ZNF224: variants seen among roughly 807,000 people sequenced by gnomAD.
ZNF224 encodes the protein zinc finger protein 224.
In ZNF224, 8 loss-of-function variants were observed where a neutral mutation model predicts 10.5. That is an observed-to-expected ratio of 0.76 (90% CI 0.45 to 1.37). The LOEUF (loss-of-function observed/expected upper bound fraction) is 1.37, where lower values mean the gene tolerates loss of function less well. Among genes scored for constraint, ZNF224 ranks in the 40% most tolerant of loss-of-function variants. The pLI is 0.00. For synonymous variants in ZNF224, 282 were observed against 287.8 expected, an observed-to-expected ratio of 0.98 and a Z score of 0.20; for missense variants, 754 against 854.0, an observed-to-expected ratio of 0.88 and a Z score of 1.46.
At position 44,106,840 on chromosome 19, in the gene ZNF224, C is replaced by G; in HGVS notation, c.680C>G (p.Thr227Ser). ...SHLQTHQRVH[T>S]GEKPFKCVEC... ...CTGCAAACTCATCAGAGAGTCCACA[C>G]TGGAGAGAAACCGTTCAAATGTGTG... The change falls in exon 6 of 6, where the codon ACT (threonine) becomes AGT (serine). Residue 227 changes from threonine (T) to serine (S), a missense_variant. Thr to Ser is a moderately conservative substitution (Grantham distance 58). Coordinates refer to ENST00000693561, the MANE Select transcript of ZNF224 (RefSeq NM_001321645.3). 1 of 1,613,528 alleles carries G rather than the reference C, an allele frequency of 6.2e-7. No homozygotes were observed. The highest frequency in any genetic ancestry group is 8.5e-7 in the Non-Finnish European group (1 of 1,179,608).
intron 3 of ZNF224, among the ~76,000 whole-genome samples, chr19:44,099,128 G>C (rs1291272023): frequency 1.3e-5 from 2 of 152,192 alleles, no homozygotes; most frequent in Admixed American, 6.5e-5. Context: ...ACTGTGCCCT[G>C]TGGTGTGGGT....
chr19:44,101,061 T>C (rs190160147), intron 4 of ZNF224, 72 bp from the exon 5 acceptor site: 23 of 1,611,070 alleles, frequency 1.4e-5, no homozygotes, highest in Admixed American at 8.3e-5. Context: ...AGAACCTAAA[T>C]TTCTGGTAAA....
At position 44,097,117 on chromosome 19, in the gene ZNF224, T is replaced by G. The variant is rs1178400702; in HGVS notation, c.-69+686T>G. The stretch of plus-strand genomic sequence containing the variant: ...TAAAAAAAATTGAAAAGAATAAAGT[T>G]TCTTAGGAATAGATAACATTATTAG... On this transcript the variant is annotated intron_variant, in intron 2 of 5. Coordinates refer to ENST00000693561, the MANE Select transcript of ZNF224 (RefSeq NM_001321645.3). 5 of 207,950 alleles carry G rather than the reference T, an allele frequency of 2.4e-5. 1 individual carries two copies. The highest frequency in any genetic ancestry group is 5.0e-5 in the Non-Finnish European group (5 of 99,940). 12.9% of individuals were successfully genotyped at this position (207,950 alleles called of 1,614,324 possible).
chr19:44,095,587 T>C (rs1184416415), intron 1 of ZNF224: 2 of 152,232 alleles, frequency 1.3e-5, no homozygotes, highest in African/African-American at 2.4e-5. Context: ...TGTATTCTTA[T>C]AGAACCATGT....
Position 44,107,136 on chromosome 19 carries a change from C to T in ZNF224, c.976C>T (p.Arg326Cys), listed in dbSNP as rs763079230. 1.0e-5 allele frequency: 16 copies of T among 1,604,562 alleles called. No homozygotes were observed. Among genetic ancestry groups the T allele is most frequent in the South Asian group, 5.6e-5 (5 of 89,736 alleles). Residue 326 changes from arginine (R) to cysteine (C), a missense_variant, in exon 6 of 6, where the codon CGT (arginine) becomes TGT (cysteine). Arg to Cys is a radical substitution (Grantham distance 180). Coordinates refer to ENST00000693561, the MANE Select transcript of ZNF224 (RefSeq NM_001321645.3). ...FRCDTCDKSF[R>C]QRSALNSHRM... Reference sequence around the variant, plus strand: ...ATGTGATACGTGTGATAAGAGCTTTCGTCAGAGATCAGCACTTAATAGTCA... The same window carrying T: ...ATGTGATACGTGTGATAAGAGCTTTTGTCAGAGATCAGCACTTAATAGTCA...
In ZNF224 at chr19:44,100,796, T is replaced by C. The variant is rs762210231; in HGVS notation, c.16-5T>C. On this transcript the variant is annotated splice_polypyrimidine_tract_variant and splice_region_variant and intron_variant, in intron 3 of 5. Transcript: ENST00000693561. Reference sequence around the variant, plus strand: ...GACTGAGATTGCATATGTTTGATGCTATAGGAGGCAATGACCTTCAAGGAC... The same window carrying C: ...GACTGAGATTGCATATGTTTGATGCCATAGGAGGCAATGACCTTCAAGGAC... 6.2e-7 allele frequency: 1 copy of C among 1,613,020 alleles called. No individual in the cohort carries two copies. The highest frequency in any genetic ancestry group is 2.2e-5 in the East Asian group (1 of 44,862).
chr19:44,106,234 GA>G, intron 5 of ZNF224, 161 bp from the exon 6 acceptor site: 1 of 680,900 alleles, frequency 1.5e-6, no homozygotes, highest in Non-Finnish European at 2.5e-6. Flanking sequence ...GGTTTAGTTC[GA>G]AATTGGCCTC....
At chr19:44,100,955 A>T in intron 4 of ZNF224, 28 bp downstream of exon 4, 1 of 1,611,606 alleles carries the variant, frequency 6.2e-7, no homozygotes, top group Admixed American at 1.7e-5. Flanking sequence ...CTGTAACAGA[A>T]CGTCAGGCCC....
At chr19:44,101,355 C>T in intron 5 of ZNF224, 130 bp downstream of exon 5, 1 of 884,820 alleles carries the variant, frequency 1.1e-6, no homozygotes, top group East Asian at 2.7e-5. Context: ...CATCTTACAC[C>T]TGGTGGCCCT....
intron 5 of ZNF224, among the ~76,000 whole-genome samples, chr19:44,103,277 A>G (rs950429591): frequency 6.6e-6 from 1 of 152,196 alleles, no homozygotes; most frequent in African/African-American, 2.4e-5. Flanking sequence ...TCCATATTCC[A>G]GCGTGTACCA....
chr19:44,099,891 C>T (rs1967513292), intron 3 of ZNF224, among the ~76,000 whole-genome samples: 1 of 151,752 alleles, frequency 6.6e-6, no homozygotes, highest in African/African-American at 2.4e-5. Context: ...TTATTTAAAA[C>T]TTACTTTAAA....
At position 44,106,884 on chromosome 19, in the gene ZNF224, A is replaced by C. The variant is rs769332118; in HGVS notation, c.724A>C (p.Ser242Arg). 2 of 1,609,958 alleles carry C rather than the reference A, an allele frequency of 1.2e-6. No homozygotes were observed. Among genetic ancestry groups the C allele is most frequent in the Non-Finnish European group, 1.7e-6 (2 of 1,177,148 alleles). Residue 242 changes from serine (S) to arginine (R), a missense_variant, in exon 6 of 6, where the codon AGT (serine) becomes CGT (arginine). By Grantham distance (110) the Ser-to-Arg change is moderately radical. Transcript: ENST00000693561. ...ATGTGTGGAATGTGGGAAAGGCTTC[A>C]GTCGTAGATCAGCACTTAATGTTCA... ...FKCVECGKGF[S>R]RRSALNVHHK... is the part of the protein sequence containing the mutation.
chr19:44,097,103 G>A, intron 2 of ZNF224: 1 of 221,952 alleles, frequency 4.5e-6, no homozygotes, highest in Non-Finnish European at 9.3e-6. Context: ...AAAAAAAATT[G>A]AAAAGAATAA....
chr19:44,106,711 AC>A lies in ZNF224; in HGVS notation c.552del (p.Cys186ValfsTer151). ...KSHTCDECGK[N>X]FCYISALRIH... ...CATACGTGTGATGAGTGTGGAAAGA[AC>A]TTTTGTTACATCTCAGCCCTTCGTA... On this transcript the variant is annotated frameshift_variant, in exon 6 of 6. Coordinates refer to ENST00000693561, the MANE Select transcript of ZNF224 (RefSeq NM_001321645.3). LOFTEE classifies it low-confidence loss of function (END_TRUNC). 1 of 1,606,106 alleles carries A rather than the reference AC, an allele frequency of 6.2e-7. No homozygotes were observed. Among genetic ancestry groups the A allele is most frequent in the Non-Finnish European group, 8.5e-7 (1 of 1,175,730 alleles).
Position 44,107,986 on chromosome 19 carries a change from C to G in ZNF224, c.1826C>G (p.Ser609Ter), listed in dbSNP as rs777508537. 6.2e-7 allele frequency: 1 copy of G among 1,614,162 alleles called. No individual in the cohort carries two copies. Among genetic ancestry groups the G allele is most frequent in the Non-Finnish European group, 8.5e-7 (1 of 1,180,028 alleles). The stretch of plus-strand genomic sequence containing the variant: ...TGTGGGAAGGGCTTCAGCTGGTCCT[C>G]AACTCGTCTGACCCATCAGAGACGC... Reference protein sequence around the residue: ...DECGKGFSWSSTRLTHQRRHS... With the variant: ...DECGKGFSWS Residue 609 changes from serine to a stop codon, truncating the protein, a stop_gained, in exon 6 of 6, where the codon TCA becomes TGA. Coordinates refer to ENST00000693561, the MANE Select transcript of ZNF224 (RefSeq NM_001321645.3). LOFTEE classifies it low-confidence loss of function (END_TRUNC).
chr19:44,098,123 C>T (rs1415830247), intron 3 of ZNF224, among the ~76,000 whole-genome samples: 1 of 152,120 alleles, frequency 6.6e-6, no homozygotes, highest in Non-Finnish European at 1.5e-5. Flanking sequence ...ATAATTATTT[C>T]ATTATACTAC....
Position 44,109,153 on chromosome 19 carries a change from T to G in ZNF224, c.*869T>G, listed in dbSNP as rs1967774699. The G allele has an allele frequency of 6.4e-6, 1 of 155,816 alleles. No homozygotes were observed. The highest frequency in any genetic ancestry group is 2.4e-5 in the African/African-American group (1 of 41,460). The allele number at this position is 155,816 out of a possible 1,614,324, so 9.7% of individuals were successfully genotyped here. ...TTGCAATAACAGACCACTGCATATT[T>G]CACAATTAAGTGTTTTCAACAGTAT... On this transcript the variant is annotated 3_prime_UTR_variant, in exon 6 of 6. Transcript: ENST00000693561.
At chr19:44,104,956 C>G (rs947151627) in intron 5 of ZNF224, among the ~76,000 whole-genome samples, 1 of 152,220 alleles carries the variant, frequency 6.6e-6, no homozygotes, top group Non-Finnish European at 1.5e-5. Flanking sequence ...GCCACCGCGC[C>G]CAGCCGAGCC....
At position 44,107,307 on chromosome 19, in the gene ZNF224, T is replaced by C; in HGVS notation, c.1147T>C (p.Trp383Arg). Residue 383 changes from tryptophan to arginine, a missense_variant, in exon 6 of 6, where the codon TGG becomes CGG. By Grantham distance (101) the Trp-to-Arg change is moderately radical. Transcript: ENST00000693561. ...TAAAGAGTGTGGGAAGAGCTTCAGATGGGCCTCGTGTCTTTTGAAACATCA... is the reference window on the plus strand; with the variant it reads ...TAAAGAGTGTGGGAAGAGCTTCAGACGGGCCTCGTGTCTTTTGAAACATCA... ...NCKECGKSFR[W>R]ASCLLKHQRV... is the part of the protein sequence containing the mutation. 1 of 1,584,478 alleles carries C rather than the reference T, an allele frequency of 6.3e-7. No homozygotes were observed. Among genetic ancestry groups the C allele is most frequent in the Non-Finnish European group, 8.6e-7 (1 of 1,166,310 alleles).
Sources: allele counts gnomAD v4.1 joint callset (sites outside exome capture counted in the v4.1 genomes callset), GRCh38; gene constraint gnomAD v4.1.1; transcripts MANE v1.5; gene names NCBI Gene and HGNC (gene_info 2026-07-23, HGNC 2026-07-21).